Variants in FAM135B observed in about 807,000 individuals in gnomAD.
FAM135B encodes protein FAM135B.
A neutral mutation model predicts 127.7 loss-of-function variants in FAM135B; 43 were observed. The observed-to-expected ratio is 0.34, with a 90% confidence interval of 0.26 to 0.43. FAM135B has a LOEUF of 0.43. Among genes scored for constraint, FAM135B ranks in the 20% least tolerant of loss-of-function variants. The probability of loss-of-function intolerance (pLI) is 1.00; values close to 1 mark genes in which losing one functional copy is unlikely to be tolerated. For missense variants in FAM135B, 1,558 were observed against 1,725.6 expected (o/e 0.90, Z 1.72); for synonymous variants, 670 against 665.1 (o/e 1.01, Z -0.11).
chr8:138,184,654 C>A (rs151270726), intron 9 of FAM135B, among the ~76,000 whole-genome samples: 1 of 152,136 alleles, frequency 6.6e-6, no homozygotes, highest in East Asian at 1.9e-4. Context: ...CAGAAAAGAC[C>A]GGGCAGAGAA....
At chr8:138,207,758 C>T (rs759869362) in intron 7 of FAM135B, among the ~76,000 whole-genome samples, 2 of 152,102 alleles carry the variant, frequency 1.3e-5, no homozygotes, top group Non-Finnish European at 2.9e-5. Context: ...ATTTATTGGG[C>T]AAATGTTGAG....
chr8:138,227,248 T>C (rs1009030877), intron 7 of FAM135B, among the ~76,000 whole-genome samples: 1 of 152,162 alleles, frequency 6.6e-6, no homozygotes, highest in Non-Finnish European at 1.5e-5. Flanking sequence ...TCAAACCAAT[T>C]ATCCTCTTTA....
intron 7 of FAM135B, among the ~76,000 whole-genome samples, chr8:138,232,707 T>C (rs1272325743): frequency 6.6e-6 from 1 of 152,226 alleles, no homozygotes; most frequent in Non-Finnish European, 1.5e-5. Context: ...TACAGTTTTT[T>C]AACTATAAAA....
intron 6 of FAM135B, among the ~76,000 whole-genome samples, chr8:138,248,823 C>CAAAAA (rs10639016): frequency 0.35 from 45,293 of 127,654 alleles, 8,594 homozygotes; most frequent in African/African-American, 0.43. Context: ...GACGCTGTCT[C>CAAAAA]AAAAAAAAAA....
chr8:138,360,690 A>G (rs1221436961), intron 2 of FAM135B, among the ~76,000 whole-genome samples: 1 of 152,158 alleles, frequency 6.6e-6, no homozygotes, highest in Admixed American at 6.6e-5. Flanking sequence ...AAGTGCTGAC[A>G]CCTCGGTCCC....
At chr8:138,226,898 T>C (rs1258933062) in intron 7 of FAM135B, among the ~76,000 whole-genome samples, 1 of 152,094 alleles carries the variant, frequency 6.6e-6, no homozygotes, top group Non-Finnish European at 1.5e-5. Flanking sequence ...GGTTTCACCA[T>C]GTTGGCCAGG....
intron 2 of FAM135B, among the ~76,000 whole-genome samples, chr8:138,338,727 A>G (rs1390905503): frequency 6.6e-6 from 1 of 152,124 alleles, no homozygotes; most frequent in Non-Finnish European, 1.5e-5. Flanking sequence ...CTAGAACTAG[A>G]AATACCATTT....
intron 4 of FAM135B, among the ~76,000 whole-genome samples, chr8:138,257,888 A>T (rs1031833964): frequency 9.0e-4 from 128 of 142,124 alleles, no homozygotes; most frequent in Middle Eastern, 3.8e-3. Context: ...TAAAAAATAA[A>T]AAAAAAAATA....
chr8:138,374,066 T>TA (rs923723373), intron 1 of FAM135B, among the ~76,000 whole-genome samples: 2 of 152,002 alleles, frequency 1.3e-5, no homozygotes, highest in African/African-American at 2.4e-5. Context: ...CCCTCCCCTT[T>TA]AAAAAAAATC....
At chr8:138,175,725 C>G (rs4909745) in intron 11 of FAM135B, among the ~76,000 whole-genome samples, 80,044 of 150,230 alleles carry the variant, frequency 0.53, 21,614 homozygotes, top group East Asian at 0.82. Context: ...ATTACTACCC[C>G]ATTTCTCTTC....
intron 1 of FAM135B, among the ~76,000 whole-genome samples, chr8:138,424,837 G>T (rs1834750103): frequency 6.6e-6 from 1 of 152,108 alleles, no homozygotes; most frequent in Non-Finnish European, 1.5e-5. Flanking sequence ...ATTCCATTTT[G>T]TCTTTGCTTT....
chr8:138,180,895 C>T (rs376307318), intron 9 of FAM135B, among the ~76,000 whole-genome samples: 164 of 152,218 alleles, frequency 1.1e-3, no homozygotes, highest in Middle Eastern at 0.01. Context: ...AGGGGTCAAA[C>T]AGGGAATGGC....
chr8:138,478,708 T>A (rs1265963906), intron 1 of FAM135B, among the ~76,000 whole-genome samples: 1 of 152,208 alleles, frequency 6.6e-6, no homozygotes, highest in Non-Finnish European at 1.5e-5. Flanking sequence ...ACCCTAGGGA[T>A]ATAATGCTAC....
chr8:138,418,236 G>C (rs1228526694), intron 1 of FAM135B, among the ~76,000 whole-genome samples: 1 of 152,108 alleles, frequency 6.6e-6, no homozygotes, highest in African/African-American at 2.4e-5. Flanking sequence ...AACCAACTCA[G>C]ACAAAAGTAA....
At chr8:138,385,351 T>C (rs1213947698) in intron 1 of FAM135B, among the ~76,000 whole-genome samples, 2 of 152,176 alleles carry the variant, frequency 1.3e-5, no homozygotes, top group African/African-American at 4.8e-5. Context: ...CCAGGAAAGC[T>C]GCACCTCGTT....
intron 7 of FAM135B, among the ~76,000 whole-genome samples, chr8:138,218,479 T>G (rs1818744473): frequency 6.6e-6 from 1 of 152,196 alleles, no homozygotes; most frequent in African/African-American, 2.4e-5. Context: ...GGTTACAATT[T>G]GAGCTCTAAT....
At chr8:138,420,918 C>T (rs1834461527) in intron 1 of FAM135B, among the ~76,000 whole-genome samples, 2 of 152,178 alleles carry the variant, frequency 1.3e-5, no homozygotes, top group Admixed American at 1.3e-4. Context: ...GAAGCATTCC[C>T]CTTGAGCACT....
At chr8:138,172,638 G>T (rs1212924736) in intron 11 of FAM135B, among the ~76,000 whole-genome samples, 1 of 152,146 alleles carries the variant, frequency 6.6e-6, no homozygotes, top group Non-Finnish European at 1.5e-5. Context: ...TACCTTGTTA[G>T]CTTTTTAATT....
At chr8:138,200,657 G>A (rs529253673) in intron 7 of FAM135B, among the ~76,000 whole-genome samples, 3 of 152,084 alleles carry the variant, frequency 2.0e-5, no homozygotes, top group East Asian at 1.9e-4. Context: ...TTTTTTTCTT[G>A]TAGATTCTTC....
Sources: allele counts gnomAD v4.1 joint callset (sites outside exome capture counted in the v4.1 genomes callset), GRCh38; gene constraint gnomAD v4.1.1; transcripts MANE v1.5; gene names NCBI Gene and HGNC (gene_info 2026-07-23, HGNC 2026-07-21).